SNTG1: variants seen among roughly 807,000 people sequenced by gnomAD.
The protein encoded by SNTG1 is syntrophin gamma 1.
Under a neutral mutation model 74.7 loss-of-function variants are expected in SNTG1, and 39 were observed. The observed-to-expected ratio is 0.52, with a 90% CI of 0.40 to 0.68. SNTG1 has a LOEUF of 0.68. SNTG1 is among the 30% of genes least tolerant of loss of function. The pLI is 0.00. For missense variants in SNTG1, 685 were observed against 609.5 expected (o/e 1.12, Z -1.30); for synonymous variants, 254 against 217.1 (o/e 1.17, Z -1.49).
At chr8:50,153,907 A>C (rs550345142) in intron 1 of SNTG1, among the ~76,000 whole-genome samples, 2 of 152,258 alleles carry the variant, frequency 1.3e-5, no homozygotes, top group African/African-American at 4.8e-5. Context: ...TCCTGCTGGG[A>C]GAACCACTAC....
intron 18 of SNTG1, among the ~76,000 whole-genome samples, chr8:50,783,504 G>A (rs569003442): frequency 6.6e-6 from 1 of 152,356 alleles, no homozygotes; most frequent in Non-Finnish European, 1.5e-5. Context: ...TCCGAGCCAT[G>A]TGCAGGATAT....
chr8:50,243,227 T>C (rs746688850), intron 2 of SNTG1, among the ~76,000 whole-genome samples: 1 of 152,194 alleles, frequency 6.6e-6, no homozygotes, highest in Non-Finnish European at 1.5e-5. Flanking sequence ...TGTAACATTT[T>C]AACAGTCTGA....
In SNTG1 at chr8:50,378,294, G is replaced by C. The variant is rs11987623; in HGVS notation, c.-27-15918G>C. 4.5e-3 allele frequency among the ~76,000 whole-genome samples: 685 copies of C among 152,328 alleles called. 4 individuals carry two copies. The highest frequency in any genetic ancestry group is 0.016 in the African/African-American group (645 of 41,572). The stretch of plus-strand genomic sequence containing the variant: ...GCATTGCAGAACACAGTGGCACCCA[G>C]AAGTTTGGAGATGCCAGGAACCACA... On this transcript the variant is annotated intron_variant, in intron 2 of 18. Coordinates refer to ENST00000642720, the MANE Select transcript of SNTG1 (RefSeq NM_018967.5).
At chr8:49,998,298 G>T (rs1814425502) in intron 1 of SNTG1, among the ~76,000 whole-genome samples, 2 of 152,132 alleles carry the variant, frequency 1.3e-5, no homozygotes, top group African/African-American at 2.4e-5. Context: ...GAAGGCCTAT[G>T]ACTTTACTTA....
intron 17 of SNTG1, among the ~76,000 whole-genome samples, chr8:50,738,755 C>A (rs2095535345): frequency 6.6e-6 from 1 of 150,912 alleles, no homozygotes. Flanking sequence ...AATAACACCA[C>A]ACATCTATGA....
chr8:50,300,160 C>T (rs1422920170), intron 2 of SNTG1, among the ~76,000 whole-genome samples: 1 of 152,070 alleles, frequency 6.6e-6, no homozygotes, highest in Non-Finnish European at 1.5e-5. Flanking sequence ...TAACTTTTGT[C>T]AAATTTATTG....
chr8:50,680,459 C>T (rs2095326547), intron 15 of SNTG1, among the ~76,000 whole-genome samples: 1 of 152,042 alleles, frequency 6.6e-6, no homozygotes, highest in African/African-American at 2.4e-5. Flanking sequence ...ATCAAAACAC[C>T]AAGAATGCAA....
At chr8:50,575,339 A>G (rs548256746) in intron 12 of SNTG1, among the ~76,000 whole-genome samples, 3 of 152,168 alleles carry the variant, frequency 2.0e-5, no homozygotes, top group Non-Finnish European at 4.4e-5. Context: ...TGATTAGTCC[A>G]TTGCAAGGCC....
At chr8:50,079,554 G>A (rs1822210130) in intron 1 of SNTG1, among the ~76,000 whole-genome samples, 1 of 152,006 alleles carries the variant, frequency 6.6e-6, no homozygotes, top group African/African-American at 2.4e-5. Flanking sequence ...CTGAGCAGAA[G>A]CTCTTTAGTT....
intron 4 of SNTG1, among the ~76,000 whole-genome samples, chr8:50,420,280 A>G (rs925005890): frequency 6.6e-6 from 1 of 152,154 alleles, no homozygotes; most frequent in African/African-American, 2.4e-5. Flanking sequence ...CAAAAGCAAC[A>G]AAAAAGGAAT....
At chr8:50,510,310 G>T (rs2094057202) in intron 9 of SNTG1, among the ~76,000 whole-genome samples, 1 of 152,052 alleles carries the variant, frequency 6.6e-6, no homozygotes, top group African/African-American at 2.4e-5. Flanking sequence ...TGCTGGATTT[G>T]GTTTGCCAGT....
chr8:50,033,137 C>T (rs550610888), intron 1 of SNTG1, among the ~76,000 whole-genome samples: 46 of 147,780 alleles, frequency 3.1e-4, no homozygotes, highest in Non-Finnish European at 4.5e-4. Flanking sequence ...TTTTTTGAGA[C>T]GGAGTTTCGC....
intron 2 of SNTG1, among the ~76,000 whole-genome samples, chr8:50,174,119 C>T (rs550818349): frequency 8.5e-5 from 13 of 152,216 alleles, no homozygotes; most frequent in South Asian, 6.2e-4. Flanking sequence ...TAGAGTGTTG[C>T]GAATGATGGC....
chr8:50,761,345 A>AG (rs747814361), intron 18 of SNTG1, among the ~76,000 whole-genome samples: 2 of 151,934 alleles, frequency 1.3e-5, no homozygotes, highest in Non-Finnish European at 2.9e-5. Context: ...TGTTGTGTTA[A>AG]GGTGGGGGAG....
In SNTG1 at chr8:50,005,719, C is replaced by A. The variant is rs539409626; in HGVS notation, c.-103+93488C>A. On this transcript the variant is annotated intron_variant, in intron 1 of 18. Coordinates refer to ENST00000642720, the MANE Select transcript of SNTG1 (RefSeq NM_018967.5). ...AATAGTTGAAATTCAGATATAAAACCCTCCATGTGATAAAATTAGATTTGC... is the reference window on the plus strand; with the variant it reads ...AATAGTTGAAATTCAGATATAAAACACTCCATGTGATAAAATTAGATTTGC... 3.3e-5 allele frequency among the ~76,000 whole-genome samples: 5 copies of A among 151,988 alleles called. No homozygotes were observed. The East Asian group carries it at 7.8e-4, about 24-fold the overall frequency.
At position 50,530,169 on chromosome 8, in the gene SNTG1, T is replaced by C. The variant is rs537681474; in HGVS notation, c.467-8T>C. On this transcript the variant is annotated splice_polypyrimidine_tract_variant and splice_region_variant and intron_variant, in intron 9 of 18. Transcript: ENST00000642720. ...ACCAGTGGAATGTTATGATTTTGTC[T>C]CCTGCAGGTGCTCCAAGTGACCAGA... The C allele has an allele frequency of 1.9e-6, 3 of 1,613,476 alleles. No individual in the cohort carries two copies. In the African/African-American group the frequency reaches 4.0e-5, roughly 22 times the overall value.
intron 13 of SNTG1, among the ~76,000 whole-genome samples, chr8:50,612,004 T>C (rs2094853799): frequency 6.6e-6 from 1 of 152,168 alleles, no homozygotes. Context: ...ACGGTTCATC[T>C]GCCTCGGCCT....
chr8:50,663,835 C>G (rs1284070047), intron 15 of SNTG1, among the ~76,000 whole-genome samples: 1 of 152,146 alleles, frequency 6.6e-6, no homozygotes, highest in African/African-American at 2.4e-5. Context: ...CATGCAAACT[C>G]TCTCAGCATT....
intron 8 of SNTG1, among the ~76,000 whole-genome samples, chr8:50,501,601 ATTTTTTTTTATTTTTTTT>A (rs1177923432): frequency 1.6e-4 from 20 of 125,850 alleles, no homozygotes; most frequent in African/African-American, 8.0e-4. Context: ...AAGACCGGTT[ATTTTTTTTTATTTTTTTT>A]TTTTTTTTTT....
Sources: gnomAD v4.1 joint callset for allele counts (sites outside exome capture counted in the v4.1 genomes callset) on GRCh38, gnomAD v4.1.1 for gene constraint, MANE v1.5 for transcripts, NCBI Gene and HGNC (gene_info 2026-07-23, HGNC 2026-07-21) for gene names.